CACNA2D1: variants seen among roughly 807,000 people sequenced by gnomAD.
CACNA2D1 encodes voltage-dependent calcium channel subunit alpha-2/delta-1.
A neutral mutation model predicts 171.5 loss-of-function variants in CACNA2D1; 53 were observed. The ratio of observed to expected loss-of-function variants is 0.31; its 90% CI spans 0.25 to 0.39. CACNA2D1 has a LOEUF of 0.39. Ranked by LOEUF, CACNA2D1 falls within the 10% of genes least tolerant of loss-of-function variation. CACNA2D1 has a pLI of 1.00. For missense variants in CACNA2D1, 903 were observed against 1,299.8 expected (o/e 0.69, Z 4.69); for synonymous variants, 442 against 443.1 (o/e 1.00, Z 0.03).
At chr7:81,975,649 TA>T (rs1795764194) in intron 24 of CACNA2D1, among the ~76,000 whole-genome samples, 1 of 152,212 alleles carries the variant, frequency 6.6e-6, no homozygotes, top group South Asian at 2.1e-4. Flanking sequence ...TCTTATACTT[TA>T]AATGAATCTT....
At chr7:82,013,057 C>T (rs1357866010) in intron 14 of CACNA2D1, among the ~76,000 whole-genome samples, 1 of 151,846 alleles carries the variant, frequency 6.6e-6, no homozygotes, top group Non-Finnish European at 1.5e-5. Context: ...ATTTAAGTTC[C>T]AACTAGGTCC....
At chr7:82,245,676 A>ACACACACACACACACACACT (rs3086957) in intron 3 of CACNA2D1, among the ~76,000 whole-genome samples, 84 of 146,002 alleles carry the variant, frequency 5.8e-4, no homozygotes, top group African/African-American at 2.1e-3. Context: ...ACACACACAC[A>ACACACACACACACACACACT]CACACACACA....
chr7:81,974,642 ATTAGCCACAAGAC>A (rs1795644117), intron 24 of CACNA2D1, 90 bp from the exon 25 acceptor site: 2 of 645,930 alleles, frequency 3.1e-6, no homozygotes, highest in African/African-American at 4.0e-5. Context: ...TTTTTTTTTT[ATTAGCCACAAGAC>A]TTTGCAAACT....
At chr7:82,009,709 A>C (rs1465362508) in intron 15 of CACNA2D1, among the ~76,000 whole-genome samples, 1 of 152,062 alleles carries the variant, frequency 6.6e-6, no homozygotes, top group African/African-American at 2.4e-5. Context: ...ATTAAAGATA[A>C]TTATGAATGA....
At chr7:81,990,302 T>C (rs918174938) in intron 21 of CACNA2D1, among the ~76,000 whole-genome samples, 2 of 152,208 alleles carry the variant, frequency 1.3e-5, no homozygotes, top group Admixed American at 6.5e-5. Context: ...AATATAATAG[T>C]AAAAATTTTG....
intron 3 of CACNA2D1, among the ~76,000 whole-genome samples, chr7:82,250,742 T>C (rs2129314446): frequency 6.6e-6 from 1 of 152,304 alleles, no homozygotes; most frequent in South Asian, 2.1e-4. Context: ...AATTAAATAA[T>C]GGCCCTTTTG....
intron 2 of CACNA2D1, among the ~76,000 whole-genome samples, chr7:82,340,575 C>T (rs1156374993): frequency 6.6e-6 from 1 of 151,898 alleles, no homozygotes; most frequent in East Asian, 1.9e-4. Flanking sequence ...TTGTGATTAA[C>T]ATTATTTATT....
At chr7:82,387,938 T>C (rs1824602226) in intron 1 of CACNA2D1, among the ~76,000 whole-genome samples, 1 of 151,508 alleles carries the variant, frequency 6.6e-6, no homozygotes, top group Non-Finnish European at 1.5e-5. Context: ...AAAAATTAGC[T>C]GGTCATGGTG....
At chr7:82,349,951 G>T (rs531737390) in intron 1 of CACNA2D1, among the ~76,000 whole-genome samples, 1 of 152,258 alleles carries the variant, frequency 6.6e-6, no homozygotes, top group South Asian at 2.1e-4. Flanking sequence ...CCATTAAATA[G>T]CTATTAAACA....
chr7:82,055,515 A>G (rs184726957), intron 10 of CACNA2D1, among the ~76,000 whole-genome samples: 14 of 151,830 alleles, frequency 9.2e-5, no homozygotes, highest in African/African-American at 1.7e-4. Context: ...AACCAACCGA[A>G]ATGTCCAACA....
At chr7:82,338,997 G>A (rs1287898694) in intron 2 of CACNA2D1, among the ~76,000 whole-genome samples, 1 of 152,094 alleles carries the variant, frequency 6.6e-6, no homozygotes, top group East Asian at 1.9e-4. Context: ...GAGAAGATTG[G>A]CCAAGTTCTA....
intron 6 of CACNA2D1, among the ~76,000 whole-genome samples, chr7:82,101,195 C>A (rs1310072037): frequency 2.0e-5 from 3 of 152,014 alleles, no homozygotes; most frequent in Non-Finnish European, 4.4e-5. Flanking sequence ...TGCACAAGTA[C>A]CAACTGTATA....
chr7:82,004,417 A>G (rs971893929), intron 18 of CACNA2D1, among the ~76,000 whole-genome samples: 13 of 151,656 alleles, frequency 8.6e-5, no homozygotes, highest in Non-Finnish European at 1.3e-4. Flanking sequence ...AAACTAAAAT[A>G]GACATTAGTT....
intron 1 of CACNA2D1, among the ~76,000 whole-genome samples, chr7:82,408,249 C>T (rs1827274738): frequency 6.6e-6 from 1 of 152,078 alleles, no homozygotes; most frequent in Non-Finnish European, 1.5e-5. Context: ...TCTCGAACTC[C>T]TGACCTCAAG....
intron 3 of CACNA2D1, among the ~76,000 whole-genome samples, chr7:82,182,191 AT>A (rs1426185495): frequency 1.3e-5 from 2 of 152,150 alleles, no homozygotes; most frequent in African/African-American, 4.8e-5. Context: ...ATTTCATTTT[AT>A]TTTAGTATTC....
intron 1 of CACNA2D1, among the ~76,000 whole-genome samples, chr7:82,439,005 T>A (rs1830302114): frequency 2.0e-5 from 3 of 152,174 alleles, no homozygotes; most frequent in Admixed American, 2.0e-4. Context: ...ACAAATTGCA[T>A]GATTTGCCTA....
chr7:81,977,031 A>G (rs1390214447), intron 24 of CACNA2D1, among the ~76,000 whole-genome samples: 1 of 152,078 alleles, frequency 6.6e-6, no homozygotes, highest in South Asian at 2.1e-4. Flanking sequence ...TTCCTATTTG[A>G]ATACCCTTTA....
intron 3 of CACNA2D1, among the ~76,000 whole-genome samples, chr7:82,178,625 C>T (rs1379073243): frequency 6.6e-6 from 1 of 151,974 alleles, no homozygotes; most frequent in East Asian, 1.9e-4. Flanking sequence ...ATAGATAAAC[C>T]TTGAAAACAC....
At chr7:81,982,171 T>G (rs934991153) in intron 24 of CACNA2D1, among the ~76,000 whole-genome samples, 2 of 151,736 alleles carry the variant, frequency 1.3e-5, no homozygotes, top group Non-Finnish European at 2.9e-5. Flanking sequence ...CACTCTGTCA[T>G]GAGGCAAGAG....
Sources: allele counts gnomAD v4.1 joint callset (sites outside exome capture counted in the v4.1 genomes callset), GRCh38; gene constraint gnomAD v4.1.1; transcripts MANE v1.5; gene names NCBI Gene and HGNC (gene_info 2026-07-23, HGNC 2026-07-21).